The following LRFN2 variants were observed in gnomAD, a reference collection of about 807,000 sequenced individuals.
LRFN2 encodes the protein leucine rich repeat and fibronectin type III domain containing 2.
LRFN2 carries 18 observed loss-of-function variants against 37.3 expected under a neutral mutation model. The ratio of observed to expected loss-of-function variants is 0.48; its 90% CI spans 0.33 to 0.72. The LOEUF (loss-of-function observed/expected upper bound fraction) is 0.72, where lower values mean the gene tolerates loss of function less well. Ranked by LOEUF, LRFN2 falls within the 30% of genes least tolerant of loss-of-function variation. The pLI, the probability that LRFN2 is intolerant of heterozygous loss-of-function variation, is 0.02. For synonymous variants in LRFN2, 556 were observed against 466.6 expected (o/e 1.19, Z -2.47); for missense variants, 1,006 against 1,060.7 (o/e 0.95, Z 0.72).
At chr6:40,542,557 G>A (rs1011607392) in intron 1 of LRFN2, among the ~76,000 whole-genome samples, 2 of 152,018 alleles carry the variant, frequency 1.3e-5, no homozygotes, top group South Asian at 2.1e-4. Context: ...GTCTCCAGGA[G>A]AGCAACCACC....
At chr6:40,501,405 T>TGATC (rs945272556) in intron 1 of LRFN2, among the ~76,000 whole-genome samples, 2 of 151,932 alleles carry the variant, frequency 1.3e-5, no homozygotes, top group African/African-American at 4.8e-5. Flanking sequence ...ACTGAGGCCT[T>TGATC]GATCTCCTGG....
Position 40,432,705 on chromosome 6 carries a change from C to G in LRFN2, c.409G>C (p.Gly137Arg). Residue 137 changes from glycine to arginine, a missense_variant, in exon 2 of 3, where the codon GGC becomes CGC. Physicochemically the swap from Gly to Arg is moderately radical, Grantham distance 125. Around this residue, in one of 4 missense-constraint regions of LRFN2, gnomAD observed 185 missense variants for 254.9 expected, o/e 0.73. Transcript: ENST00000338305. ...QHLIVNNNQL[G>R]GIADEAFEDF... Reference sequence around the variant, plus strand: ...TCAAAAGCCTCATCTGCGATGCCGCCCAGCTGGTTGTTGTTCACGATAAGG... The same window carrying G: ...TCAAAAGCCTCATCTGCGATGCCGCGCAGCTGGTTGTTGTTCACGATAAGG... 1 of 1,614,166 alleles carries G rather than the reference C, an allele frequency of 6.2e-7. No individual in the cohort carries two copies. Among genetic ancestry groups the G allele is most frequent in the Non-Finnish European group, 8.5e-7 (1 of 1,180,032 alleles).
At position 40,392,916 on chromosome 6, in the gene LRFN2, G is replaced by A. The variant is rs774810320; in HGVS notation, c.1401-4C>T. The A allele has an allele frequency of 1.9e-6, 3 of 1,600,910 alleles. No individual in the cohort carries two copies. The highest frequency in any genetic ancestry group is 1.1e-5 in the South Asian group (1 of 88,014). ...CTTGTTGGAGGCTGGGATCATCCTG[G>A]GGAGGGAGGTGGACAGAAATAGTGA... On this transcript the variant is annotated splice_polypyrimidine_tract_variant and splice_region_variant and intron_variant, in intron 2 of 2. Transcript: ENST00000338305. The surrounding 1 kb of genome is among the most constrained non-coding windows in gnomAD (Gnocchi z 4.7).
chr6:40,500,926 T>G (rs182348619), intron 1 of LRFN2, among the ~76,000 whole-genome samples: 1 of 150,412 alleles, frequency 6.6e-6, no homozygotes. Flanking sequence ...ATTTTTTTCC[T>G]TTTGTACGCT....
At chr6:40,471,275 A>C (rs910764698) in intron 1 of LRFN2, among the ~76,000 whole-genome samples, 2 of 152,088 alleles carry the variant, frequency 1.3e-5, no homozygotes, top group Admixed American at 1.3e-4. Flanking sequence ...CTTCCAAATG[A>C]CTTTTCCCAA....
intron 1 of LRFN2, among the ~76,000 whole-genome samples, chr6:40,447,402 A>G (rs1763998109): frequency 1.3e-5 from 2 of 152,036 alleles, no homozygotes; most frequent in Admixed American, 6.6e-5. Context: ...TCTTTCCCCA[A>G]ATTTGCCTAC....
At chr6:40,460,116 C>T (rs1214891368) in intron 1 of LRFN2, among the ~76,000 whole-genome samples, 1 of 152,168 alleles carries the variant, frequency 6.6e-6, no homozygotes, top group East Asian at 1.9e-4. Context: ...TTCAGAAGTC[C>T]CCATGTGGAC....
At chr6:40,530,731 C>T (rs1766328021) in intron 1 of LRFN2, among the ~76,000 whole-genome samples, 1 of 152,084 alleles carries the variant, frequency 6.6e-6, no homozygotes, top group Non-Finnish European at 1.5e-5. Flanking sequence ...ACTGATGGCC[C>T]TCAGTTCTAT....
At position 40,587,356 on chromosome 6, in the gene LRFN2, T is replaced by G. The variant is rs941983009; in HGVS notation, c.-434A>C. 1 of 151,804 alleles carries G rather than the reference T, an allele frequency of 6.6e-6. No individual in the cohort carries two copies. Among genetic ancestry groups the G allele is most frequent in the Non-Finnish European group, 1.5e-5 (1 of 67,970 alleles). 9.4% of individuals were successfully genotyped at this position (151,804 alleles called of 1,614,324 possible). ...GCCTGCCGGGTTGTGTATGTGTGAGTGTATGTGTGTCTCAGCGAGAGGGAG... is the reference window on the plus strand; with the variant it reads ...GCCTGCCGGGTTGTGTATGTGTGAGGGTATGTGTGTCTCAGCGAGAGGGAG... On this transcript the variant is annotated 5_prime_UTR_variant, in exon 1 of 3. Transcript: ENST00000338305. The surrounding 1 kb of genome is among the most constrained non-coding windows in gnomAD (Gnocchi z 4.2).
chr6:40,466,160 A>G (rs56245955), intron 1 of LRFN2, among the ~76,000 whole-genome samples: 5 of 152,314 alleles, frequency 3.3e-5, no homozygotes, highest in Non-Finnish European at 7.4e-5. Flanking sequence ...CAGGAGATGT[A>G]ATAAATAGGA....
In LRFN2 at chr6:40,392,498, G is replaced by T; in HGVS notation, c.1815C>A (p.Arg605=). The T allele has an allele frequency of 2.5e-6, 4 of 1,582,992 alleles. No individual in the cohort carries two copies. Among genetic ancestry groups the T allele is most frequent in the Non-Finnish European group, 3.4e-6 (4 of 1,165,858 alleles). The change falls in exon 3 of 3, where the codon CGC becomes CGA. Residue 605 remains arginine, a synonymous_variant. Coordinates refer to ENST00000338305, the MANE Select transcript of LRFN2 (RefSeq NM_020737.3). This position sits in a 1 kb window ranked among gnomAD's most constrained non-coding sequence, Gnocchi z 4.7. The part of the protein sequence containing the change: ...PPQGPPKVVV[R]NELLDFTASL... ...TGGCGGTGAAGTCCAGGAGCTCGTT[G>T]CGCACCACCACCTTCGGCGGGCCCT...
At chr6:40,535,612 C>T (rs1766434183) in intron 1 of LRFN2, among the ~76,000 whole-genome samples, 1 of 152,146 alleles carries the variant, frequency 6.6e-6, no homozygotes, top group Admixed American at 6.5e-5. Flanking sequence ...GGGGGTGGGA[C>T]TATGAGCCAG....
chr6:40,498,064 C>G (rs1765277167), intron 1 of LRFN2, among the ~76,000 whole-genome samples: 1 of 152,110 alleles, frequency 6.6e-6, no homozygotes, highest in African/African-American at 2.4e-5. Flanking sequence ...AGGAAAGTGG[C>G]AAGAAGACAA....
intron 1 of LRFN2, among the ~76,000 whole-genome samples, chr6:40,449,426 T>C (rs1764051492): frequency 1.3e-5 from 2 of 152,252 alleles, no homozygotes; most frequent in Admixed American, 6.5e-5. Context: ...TGTGACTTAG[T>C]TCTAACCAAA....
intron 2 of LRFN2, among the ~76,000 whole-genome samples, chr6:40,424,911 G>A (rs776302107): frequency 5.1e-4 from 78 of 152,204 alleles, no homozygotes; most frequent in African/African-American, 8.4e-4. Flanking sequence ...GATTTCATTA[G>A]CAAATTTTTC....
At chr6:40,444,403 C>G (rs895185406) in intron 1 of LRFN2, among the ~76,000 whole-genome samples, 2 of 152,152 alleles carry the variant, frequency 1.3e-5, no homozygotes, top group South Asian at 2.1e-4. Context: ...TAGAACCCAG[C>G]CTTCTAAAGA....
intron 2 of LRFN2, among the ~76,000 whole-genome samples, chr6:40,403,917 C>G (rs1045100357): frequency 2.2e-4 from 33 of 152,186 alleles, no homozygotes; most frequent in Admixed American, 2.1e-3. Flanking sequence ...CCTTCTACTC[C>G]CCATTCTTAC....
chr6:40,492,358 C>T lies in LRFN2; in HGVS notation c.-18-59227G>A, dbSNP rs535507560. 5.9e-5 allele frequency among the ~76,000 whole-genome samples: 9 copies of T among 152,284 alleles called. No homozygotes were observed. In the South Asian group the frequency reaches 1.9e-3, roughly 32 times the overall value. On this transcript the variant is annotated intron_variant, in intron 1 of 2. Transcript: ENST00000338305. ...CGGCTGTCCCCGCCCCACAGCTCCCCCTGCTCCCCTGTCCTGGCCCAGCTC... is the reference window on the plus strand; with the variant it reads ...CGGCTGTCCCCGCCCCACAGCTCCCTCTGCTCCCCTGTCCTGGCCCAGCTC...
At chr6:40,408,526 G>T (rs1053273659) in intron 2 of LRFN2, among the ~76,000 whole-genome samples, 1 of 152,204 alleles carries the variant, frequency 6.6e-6, no homozygotes, top group African/African-American at 2.4e-5. Context: ...CAGAGCAGAA[G>T]TTGGCAGGAA....
Sources: allele counts gnomAD v4.1 joint callset (sites outside exome capture counted in the v4.1 genomes callset), GRCh38; gene constraint gnomAD v4.1.1; regional missense constraint gnomAD v4.1.1; non-coding constraint Gnocchi (gnomAD v3.1); transcripts MANE v1.5; gene names NCBI Gene and HGNC (gene_info 2026-07-23, HGNC 2026-07-21).